The following CCNT1 variants were observed in gnomAD, a reference collection of about 807,000 sequenced individuals.
CCNT1 encodes cyclin-T1.
Under a neutral mutation model 67.3 loss-of-function variants are expected in CCNT1, and 18 were observed. The observed-to-expected ratio is 0.27, with a 90% CI of 0.18 to 0.40. The LOEUF (loss-of-function observed/expected upper bound fraction) is 0.40. Among genes scored for constraint, CCNT1 ranks in the 10% least tolerant of loss-of-function variants. The pLI, the probability that CCNT1 is intolerant of heterozygous loss-of-function variation, is 1.00. For missense variants in CCNT1, 744 were observed against 884.9 expected (o/e 0.84, Z 2.02); for synonymous variants, 333 against 310.3 (o/e 1.07, Z -0.77).
rs184485934 is a variant in CCNT1, at chr12:48,692,811, C to T, written c.*222G>A. ...TCCTTAATCCTTCACAGCTTCAACA[C>T]CTCTCTAATACCAGTAAAAACTGTA... On this transcript the variant is annotated 3_prime_UTR_variant, in exon 9 of 9. Transcript: ENST00000261900. 95 of 450,390 alleles carry T rather than the reference C, an allele frequency of 2.1e-4. 1 individual carries two copies. The Middle Eastern group carries it at 4.2e-3, about 20-fold the overall frequency. 27.9% of individuals were successfully genotyped at this position (450,390 alleles called of 1,614,324 possible).
rs751934361 is a variant in CCNT1 at position 48,694,242 on chromosome 12, G to A, written c.972C>T (p.Thr324=). 1 of 1,614,212 alleles carries A rather than the reference G, an allele frequency of 6.2e-7. No individual in the cohort carries two copies. Among genetic ancestry groups the A allele is most frequent in the East Asian group, 2.2e-5 (1 of 44,878 alleles). Residue 324 remains threonine (T), a synonymous_variant, in exon 9 of 9, where the codon ACC becomes ACT. Transcript: ENST00000261900. ...GCTTGCCCGGCAACATCTCCACACT[G>A]GTTAAGTTGCTGGATGACTCTTCGG... ...PVSEESSSNL[T]SVEMLPGKRW... is the part of the protein sequence containing the mutation.
rs749134252 is a variant in CCNT1, at chr12:48,705,884, C to A, written c.256G>T (p.Ala86Ser). ...TQFPGNSVAP[A>S]ALFLAAKVEE... ...ACTTTAGCTGCTAGAAACAAGGCTG[C>A]TGGAGCCACAGACTGAATGGAGAGA... The change falls in exon 3 of 9, where the codon GCA (alanine) becomes TCA (serine). Residue 86 changes from alanine (A) to serine (S), a missense_variant. Coordinates refer to ENST00000261900, the MANE Select transcript of CCNT1 (RefSeq NM_001240.4). 6.2e-7 allele frequency: 1 copy of A among 1,612,888 alleles called. No homozygotes were observed. The highest frequency in any genetic ancestry group is 8.5e-7 in the Non-Finnish European group (1 of 1,179,660).
chr12:48,713,951 G>A (rs912502789), intron 2 of CCNT1, among the ~76,000 whole-genome samples: 1 of 152,050 alleles, frequency 6.6e-6, no homozygotes, highest in Non-Finnish European at 1.5e-5. Context: ...CTGGAGTGAA[G>A]CGACTCAATC....
chr12:48,698,721 G>A (rs774397795), intron 5 of CCNT1, among the ~76,000 whole-genome samples: 17 of 152,160 alleles, frequency 1.1e-4, no homozygotes, highest in African/African-American at 4.1e-4. Context: ...ACTTTGGGAC[G>A]CCGAGGTGGG....
In CCNT1 at chr12:48,705,822, C is replaced by T; in HGVS notation, c.318G>A (p.Lys106=). 1.2e-6 allele frequency: 2 copies of T among 1,613,686 alleles called. No homozygotes were observed. Among genetic ancestry groups the T allele is most frequent in the Non-Finnish European group, 1.7e-6 (2 of 1,179,742 alleles). The change falls in exon 3 of 9, where the codon AAG becomes AAA. Residue 106 remains lysine (K), a synonymous_variant. Transcript: ENST00000261900. Reference sequence around the variant, plus strand: ...GAGGATGGAGACAAGTATGTGCTACCTTGATGACATGTTCCAATTTTTTGG... The same window carrying T: ...GAGGATGGAGACAAGTATGTGCTACTTTGATGACATGTTCCAATTTTTTGG... ...EQPKKLEHVI[K]VAHTCLHPQE...
intron 2 of CCNT1, among the ~76,000 whole-genome samples, chr12:48,707,589 A>C (rs1184771536): frequency 6.6e-6 from 1 of 152,168 alleles, no homozygotes; most frequent in Non-Finnish European, 1.5e-5. Context: ...CAAGATTCTT[A>C]ACAAGAGTGA....
At chr12:48,710,767 G>T (rs2137242677) in intron 2 of CCNT1, among the ~76,000 whole-genome samples, 1 of 152,230 alleles carries the variant, frequency 6.6e-6, no homozygotes, top group Middle Eastern at 3.4e-3. Context: ...TAACAGATAA[G>T]AAATAAAAAG....
rs750953240 is a variant in CCNT1, at chr12:48,694,266, G to A, written c.948C>T (p.Ser316=). ...TTSAVPSLPV[S]EESSSNLTSV... Reference sequence around the variant, plus strand: ...TGGTTAAGTTGCTGGATGACTCTTCGGAGACTGGCAGGGAAGGCACTGCAC... The same window carrying A: ...TGGTTAAGTTGCTGGATGACTCTTCAGAGACTGGCAGGGAAGGCACTGCAC... The change falls in exon 9 of 9, where the codon TCC becomes TCT. Residue 316 remains serine (S), a synonymous_variant. Coordinates refer to ENST00000261900, the MANE Select transcript of CCNT1 (RefSeq NM_001240.4). 4.4e-5 allele frequency: 71 copies of A among 1,614,048 alleles called. No individual in the cohort carries two copies. Among genetic ancestry groups the A allele is most frequent in the Middle Eastern group, 1.6e-4 (1 of 6,084 alleles).
chr12:48,698,074 T>G, intron 6 of CCNT1, 64 bp downstream of exon 6: 1 of 1,020,160 alleles, frequency 9.8e-7, no homozygotes, highest in South Asian at 1.7e-5. Context: ...TATAGCACAC[T>G]GTATCAAACT....
intron 2 of CCNT1, among the ~76,000 whole-genome samples, chr12:48,709,816 G>C (rs1036758390): frequency 6.6e-6 from 1 of 151,902 alleles, no homozygotes; most frequent in Non-Finnish European, 1.5e-5. Flanking sequence ...TTACAGAGTA[G>C]TTTTCACTTT....
chr12:48,696,853 CAG>C (rs1295062408), intron 6 of CCNT1, among the ~76,000 whole-genome samples: 1 of 152,090 alleles, frequency 6.6e-6, no homozygotes, highest in Non-Finnish European at 1.5e-5. Flanking sequence ...TTTTTTTAGA[CAG>C]AGTCTCTCTC....
chr12:48,705,614 T>C, intron 3 of CCNT1, 154 bp downstream of exon 3: 1 of 670,590 alleles, frequency 1.5e-6, no homozygotes, highest in Non-Finnish European at 2.5e-6. Flanking sequence ...AACACTAAAA[T>C]ATTCTTTTAA....
chr12:48,715,751 C>G (rs1940523915), intron 1 of CCNT1, among the ~76,000 whole-genome samples: 1 of 152,330 alleles, frequency 6.6e-6, no homozygotes, highest in Non-Finnish European at 1.5e-5. Context: ...GCGTGAGCCA[C>G]CGCATCCAGC....
At chr12:48,704,065 A>G (rs1202533980) in intron 3 of CCNT1, among the ~76,000 whole-genome samples, 1 of 152,252 alleles carries the variant, frequency 6.6e-6, no homozygotes, top group South Asian at 2.1e-4. Flanking sequence ...GACATTTTTA[A>G]AAAGTAGAGA....
chr12:48,712,615 A>AT (rs1940472092), intron 2 of CCNT1, among the ~76,000 whole-genome samples: 1 of 142,426 alleles, frequency 7.0e-6, no homozygotes, highest in African/African-American at 2.7e-5. Context: ...AAAAAAAAAA[A>AT]AAAGCAGGGA....
intron 2 of CCNT1, among the ~76,000 whole-genome samples, chr12:48,713,455 T>C (rs1940487483): frequency 6.6e-6 from 1 of 152,238 alleles, no homozygotes; most frequent in South Asian, 2.1e-4. Flanking sequence ...TAACTTACAT[T>C]TACTTCTTTT....
chr12:48,716,410 G>A (rs1940533297), intron 1 of CCNT1, 105 bp downstream of exon 1: 1 of 1,075,140 alleles, frequency 9.3e-7, no homozygotes, highest in Non-Finnish European at 1.3e-6. Flanking sequence ...TCCAGCTTCT[G>A]CCCACCTTCT....
rs1218462467 is a variant in CCNT1 at position 48,693,727 on chromosome 12, AC to A, written c.1486del (p.Val496Ter). ...TCGGCTCTTTGTAACACTGTCCTCT[AC>A]AGAATTGTGCTTATCAGCTGCAGCA... ...VHAAADKHNS[V>X]EDSVTKSREH... On this transcript the variant is annotated frameshift_variant, in exon 9 of 9. Coordinates refer to ENST00000261900, the MANE Select transcript of CCNT1 (RefSeq NM_001240.4). LOFTEE classifies it high-confidence loss of function. 2.0e-5 allele frequency: 32 copies of A among 1,613,926 alleles called. No individual in the cohort carries two copies. The highest frequency in any genetic ancestry group is 2.5e-5 in the Non-Finnish European group (30 of 1,180,008).
chr12:48,701,125 T>TATAAACA (rs1182884573), intron 3 of CCNT1, 52 bp from the exon 4 acceptor site: 2 of 1,038,106 alleles, frequency 1.9e-6, no homozygotes, highest in South Asian at 3.2e-5. Flanking sequence ...ATATATAAAG[T>TATAAACA]ATAAACAATT....
Sources: allele counts gnomAD v4.1 joint callset (sites outside exome capture counted in the v4.1 genomes callset), GRCh38; gene constraint gnomAD v4.1.1; transcripts MANE v1.5; gene names NCBI Gene and HGNC (gene_info 2026-07-23, HGNC 2026-07-21).